The following NAALADL2 variants were observed in gnomAD, a reference collection of about 807,000 sequenced individuals.
NAALADL2 encodes inactive N-acetylated-alpha-linked acidic dipeptidase-like protein 2.
A neutral mutation model predicts 87.2 loss-of-function variants in NAALADL2; 76 were observed. That is an observed-to-expected ratio of 0.87 (90% CI 0.72 to 1.05). The LOEUF is 1.05. Ranked by LOEUF, NAALADL2 falls within the 50% of genes least tolerant of loss-of-function variation. NAALADL2 has a pLI of 0.00. For missense variants in NAALADL2, 1,089 were observed against 945.8 expected (o/e 1.15, Z -1.99); for synonymous variants, 354 against 331.0 (o/e 1.07, Z -0.75).
chr3:175,022,244 T>A (rs759488547), intron 1 of NAALADL2, among the ~76,000 whole-genome samples: 12 of 152,056 alleles, frequency 7.9e-5, no homozygotes, highest in Admixed American at 1.3e-4. Flanking sequence ...AGATATTTAC[T>A]GCAATGCATG....
intron 2 of NAALADL2, among the ~76,000 whole-genome samples, chr3:174,719,369 T>A (rs938188132): frequency 6.6e-6 from 1 of 152,192 alleles, no homozygotes; most frequent in Non-Finnish European, 1.5e-5. Context: ...TTTCTTTTTC[T>A]TCAAGCCATA....
intron 2 of NAALADL2, among the ~76,000 whole-genome samples, chr3:175,151,939 A>T (rs1418611158): frequency 6.6e-6 from 1 of 152,320 alleles, no homozygotes; most frequent in East Asian, 1.9e-4. Flanking sequence ...AACTTATTCT[A>T]TCATAAAATA....
chr3:174,757,305 C>T (rs1433818436), intron 3 of NAALADL2, among the ~76,000 whole-genome samples: 4 of 152,104 alleles, frequency 2.6e-5, no homozygotes, highest in African/African-American at 9.7e-5. Context: ...ACATGGATAT[C>T]ATGGCTGAGG....
chr3:175,346,627 A>G (rs1047576835), intron 5 of NAALADL2, among the ~76,000 whole-genome samples: 1 of 151,990 alleles, frequency 6.6e-6, no homozygotes, highest in African/African-American at 2.4e-5. Flanking sequence ...AATTGGTTCA[A>G]TGACCCCAAG....
intron 1 of NAALADL2, among the ~76,000 whole-genome samples, chr3:174,938,029 C>A (rs1030226926): frequency 6.6e-6 from 1 of 151,844 alleles, no homozygotes; most frequent in African/African-American, 2.4e-5. Context: ...TTTTGCTTTA[C>A]ATTTTTATTC....
At chr3:175,698,336 T>C (rs187444279) in intron 11 of NAALADL2, among the ~76,000 whole-genome samples, 10,325 of 73,226 alleles carry the variant, frequency 0.14, 3,098 homozygotes, top group African/African-American at 0.47. Flanking sequence ...TGTATGTGTA[T>C]ATATGTATGT....
At chr3:175,190,120 G>T (rs78636656) in intron 2 of NAALADL2, among the ~76,000 whole-genome samples, 3,771 of 151,216 alleles carry the variant, frequency 0.025, 146 homozygotes, top group African/African-American at 0.085. Flanking sequence ...AGTACATAGG[G>T]GAAAAGCTCA....
intron 9 of NAALADL2, among the ~76,000 whole-genome samples, chr3:175,525,387 C>T (rs576906519): frequency 6.6e-6 from 1 of 152,276 alleles, no homozygotes; most frequent in East Asian, 1.9e-4. Flanking sequence ...TCTCCACTCA[C>T]TGTCAATTTA....
intron 9 of NAALADL2, among the ~76,000 whole-genome samples, chr3:175,523,604 A>G (rs114947633): frequency 0.018 from 2,726 of 152,322 alleles, 30 homozygotes; most frequent in Middle Eastern, 0.058. Context: ...AAGCGAAGCA[A>G]TGGAGCAATG....
Position 175,494,149 on chromosome 3 carries a change from T to A in NAALADL2, c.1653+22391T>A, listed in dbSNP as rs557970205. ...CTCAATGTATATTTATTTATATGTA[T>A]ATTTTGCTTCTCATAAACCTTTTAC... On this transcript the variant is annotated intron_variant, in intron 9 of 13. Coordinates refer to ENST00000454872, the MANE Select transcript of NAALADL2 (RefSeq NM_207015.3). Among the ~76,000 whole-genome samples the A allele has an allele frequency of 1.2e-4, 19 of 152,276 alleles. No individual in the cohort carries two copies. The South Asian group carries it at 1.9e-3, about 15-fold the overall frequency.
chr3:175,101,835 T>C (rs137964023), intron 2 of NAALADL2, among the ~76,000 whole-genome samples: 2 of 151,344 alleles, frequency 1.3e-5, no homozygotes, highest in African/African-American at 4.9e-5. Context: ...TGTTGTTTTC[T>C]AATTATGGCT....
chr3:175,565,819 A>C (rs1197905249), intron 9 of NAALADL2, among the ~76,000 whole-genome samples: 2 of 121,218 alleles, frequency 1.6e-5, no homozygotes, highest in Non-Finnish European at 3.5e-5. Flanking sequence ...AAAAAACAAA[A>C]GCCCCCCCCC....
intron 9 of NAALADL2, among the ~76,000 whole-genome samples, chr3:175,559,477 T>C (rs1310669294): frequency 2.0e-5 from 3 of 152,140 alleles, no homozygotes; most frequent in Non-Finnish European, 4.4e-5. Context: ...CAGTACTATG[T>C]TGAAAAACAA....
intron 1 of NAALADL2, among the ~76,000 whole-genome samples, chr3:174,494,224 A>G (rs1718379202): frequency 6.6e-6 from 1 of 152,178 alleles, no homozygotes; most frequent in South Asian, 2.1e-4. Context: ...CTCTTATTTT[A>G]AAGGGAAAAT....
chr3:175,184,988 C>T (rs1237058033), intron 2 of NAALADL2, among the ~76,000 whole-genome samples: 1 of 152,060 alleles, frequency 6.6e-6, no homozygotes, highest in African/African-American at 2.4e-5. Flanking sequence ...GTTGAGGACT[C>T]CTGTTTCTTT....
chr3:175,146,859 C>T lies in NAALADL2; in HGVS notation c.545+49568C>T, dbSNP rs1036164214. ...CTAAATTTAATTAAATTACAATTTA[C>T]TAACGTCATTCAGGTACATAATCTT... On this transcript the variant is annotated intron_variant, in intron 2 of 13. Coordinates refer to ENST00000454872, the MANE Select transcript of NAALADL2 (RefSeq NM_207015.3). Among the ~76,000 whole-genome samples, 15 of 151,954 alleles carry T rather than the reference C, an allele frequency of 9.9e-5. No homozygotes were observed. In the East Asian group the frequency reaches 2.3e-3, roughly 24 times the overall value.
At chr3:174,513,396 T>A (rs992986095) in intron 1 of NAALADL2, 4 of 152,212 alleles carry the variant, frequency 2.6e-5, no homozygotes, top group Non-Finnish European at 4.4e-5. Context: ...AATTATCTTA[T>A]CTATTTTTAA....
At chr3:175,556,258 A>T in intron 9 of NAALADL2, among the ~76,000 whole-genome samples, 1 of 149,496 alleles carries the variant, frequency 6.7e-6, no homozygotes, top group African/African-American at 2.4e-5. Context: ...AAGACGATTT[A>T]AAAAAAAAAC....
chr3:174,535,056 A>C (rs536326781), intron 1 of NAALADL2, among the ~76,000 whole-genome samples: 1 of 152,330 alleles, frequency 6.6e-6, no homozygotes, highest in East Asian at 1.9e-4. Flanking sequence ...TTAAAAATAG[A>C]ATAAAGAGAC....
Sources: gnomAD v4.1 joint callset for allele counts (sites outside exome capture counted in the v4.1 genomes callset) on GRCh38, gnomAD v4.1.1 for gene constraint, MANE v1.5 for transcripts, NCBI Gene and HGNC (gene_info 2026-07-23, HGNC 2026-07-21) for gene names.